Variants in PIPOX observed in about 807,000 individuals in gnomAD.
The protein encoded by PIPOX is peroxisomal sarcosine oxidase.
PIPOX carries 45 observed loss-of-function variants against 47.9 expected under a neutral mutation model. The observed-to-expected ratio is 0.94, with a 90% CI of 0.74 to 1.20. The LOEUF is 1.20. Ranked by LOEUF, PIPOX falls within the 50% of genes most tolerant of loss-of-function variation. The pLI, the probability that PIPOX is intolerant of heterozygous loss-of-function variation, is 0.00. For synonymous variants in PIPOX, 165 were observed against 191.3 expected (o/e 0.86, Z 1.13); for missense variants, 458 against 498.4 (o/e 0.92, Z 0.77).
intron 1 of PIPOX, among the ~76,000 whole-genome samples, chr17:29,043,644 C>T (rs1303436458): frequency 2.0e-5 from 3 of 152,100 alleles, no homozygotes; most frequent in Non-Finnish European, 4.4e-5. Flanking sequence ...CTTCTGTGCC[C>T]AAATGGTTGA....
intron 2 of PIPOX, among the ~76,000 whole-genome samples, chr17:29,050,753 C>T (rs975352985): frequency 1.3e-5 from 2 of 151,860 alleles, no homozygotes; most frequent in Non-Finnish European, 2.9e-5. Context: ...AGGAGGAGCT[C>T]GCTTGCGGCT....
At chr17:29,051,338 G>T (rs1006496914) in intron 2 of PIPOX, among the ~76,000 whole-genome samples, 8 of 152,186 alleles carry the variant, frequency 5.3e-5, no homozygotes, top group Admixed American at 4.6e-4. Flanking sequence ...GGCACGCTGC[G>T]CGGCTCTGTG....
At chr17:29,045,536 G>A (rs1041984691) in intron 2 of PIPOX, among the ~76,000 whole-genome samples, 4 of 147,574 alleles carry the variant, frequency 2.7e-5, no homozygotes, top group Non-Finnish European at 5.9e-5. Context: ...TCAGCCTCCC[G>A]GGCAGCTGGG....
chr17:29,056,109 G>A (rs1023499245), intron 7 of PIPOX, 66 bp from the exon 8 acceptor site: 30 of 1,593,748 alleles, frequency 1.9e-5, no homozygotes, highest in Non-Finnish European at 2.5e-5. Context: ...TGGGTAAGTA[G>A]GGGATGTCCA....
intron 2 of PIPOX, among the ~76,000 whole-genome samples, chr17:29,048,763 T>TC (rs1238586307): frequency 1.1e-4 from 16 of 152,324 alleles, no homozygotes; most frequent in African/African-American, 3.4e-4. Context: ...CCACATCCCC[T>TC]CCCTGGAGCA....
intron 4 of PIPOX, among the ~76,000 whole-genome samples, chr17:29,054,088 C>T (rs1485690155): frequency 2.6e-5 from 4 of 151,892 alleles, no homozygotes; most frequent in African/African-American, 9.7e-5. Flanking sequence ...AGGCTGAGCC[C>T]AGGAGGCTGG....
chr17:29,045,035 C>T lies in PIPOX; in HGVS notation c.263+28C>T, dbSNP rs200437177. The T allele has an allele frequency of 5.4e-5, 84 of 1,569,302 alleles. No homozygotes were observed. The African/African-American group carries it at 5.6e-4, about 10-fold the overall frequency. ...GGGCTGTGGGAGGAATTCCTTGAAT[C>T]GTGGGGCTCTGCACCTGCAGGTACT... On this transcript the variant is annotated intron_variant, in intron 2 of 7. Transcript: ENST00000323372.
At chr17:29,046,910 G>T (rs1292770111) in intron 2 of PIPOX, 1 of 235,796 alleles carries the variant, frequency 4.2e-6, no homozygotes, top group Non-Finnish European at 6.9e-6. Flanking sequence ...TGGTGCTGGG[G>T]TGAGGATAAG....
chr17:29,048,252 T>G lies in PIPOX; in HGVS notation c.263+3245T>G, dbSNP rs570656272. On this transcript the variant is annotated intron_variant, in intron 2 of 7. Transcript: ENST00000323372. The stretch of plus-strand genomic sequence containing the variant: ...AAATGATTCATCATCTGTGTGGTTC[T>G]TACTTTTCCCCAGGTTTTTCTAGAA... 2.6e-5 allele frequency among the ~76,000 whole-genome samples: 4 copies of G among 152,360 alleles called. No homozygotes were observed. In the East Asian group the frequency reaches 7.7e-4, roughly 29 times the overall value.
intron 2 of PIPOX, among the ~76,000 whole-genome samples, chr17:29,047,719 A>C (rs1037730501): frequency 2.6e-5 from 4 of 152,166 alleles, no homozygotes; most frequent in African/African-American, 9.7e-5. Context: ...AAAAATTTAA[A>C]AACCATCTTG....
In PIPOX at chr17:29,055,858, GAC is replaced by G. The variant is rs1466971173; in HGVS notation, c.1014_1015del (p.Asp338GlufsTer25). 1 of 1,613,882 alleles carries G rather than the reference GAC, an allele frequency of 6.2e-7. No individual in the cohort carries two copies. The highest frequency in any genetic ancestry group is 1.7e-5 in the Admixed American group (1 of 59,996). The stretch of plus-strand genomic sequence containing the variant: ...CATTCTCGATCGCCACCCAAAGTAT[GAC>G]AACATTGTCATTGGTGCTGGATTCT... ...QFILDRHPKY[D>X]NIVIGAGFSG... On this transcript the variant is annotated frameshift_variant, in exon 7 of 8. Transcript: ENST00000323372. LOFTEE classifies it high-confidence loss of function.
chr17:29,056,179 C>T lies in PIPOX; in HGVS notation c.1047C>T (p.His349=), dbSNP rs1432704846. The T allele has an allele frequency of 1.6e-5, 26 of 1,613,988 alleles. No homozygotes were observed. The highest frequency in any genetic ancestry group is 2.2e-5 in the East Asian group (1 of 44,900). The change falls in exon 8 of 8, where the codon CAC becomes CAT. Residue 349 remains histidine (H), a synonymous_variant. Coordinates refer to ENST00000323372, the MANE Select transcript of PIPOX (RefSeq NM_016518.3). The part of the protein sequence containing the change: ...NIVIGAGFSG[H]GFKLAPVVGK... ...AGTCTGCTCTTCCCTTCCTAGGGCA[C>T]GGGTTCAAGCTGGCCCCTGTGGTGG...
At chr17:29,047,738 A>T (rs371948623) in intron 2 of PIPOX, among the ~76,000 whole-genome samples, 1 of 152,296 alleles carries the variant, frequency 6.6e-6, no homozygotes, top group East Asian at 1.9e-4. Flanking sequence ...TGGCTCATGG[A>T]CCAGACCAAA....
chr17:29,054,796 C>A (rs1167875780), intron 5 of PIPOX, 105 bp downstream of exon 5: 2 of 1,314,022 alleles, frequency 1.5e-6, no homozygotes, highest in East Asian at 2.5e-5. Flanking sequence ...GGGCCAGCAG[C>A]AGGAGCCTGC....
intron 4 of PIPOX, 71 bp from the exon 5 acceptor site, chr17:29,054,474 G>C: frequency 6.3e-7 from 1 of 1,577,748 alleles, no homozygotes; most frequent in African/African-American, 1.4e-5. Flanking sequence ...CAGGGGCCCA[G>C]AGAAACTGCT....
chr17:29,045,562 C>A (rs1044024160), intron 2 of PIPOX, among the ~76,000 whole-genome samples: 1 of 151,672 alleles, frequency 6.6e-6, no homozygotes, highest in Non-Finnish European at 1.5e-5. Flanking sequence ...AGGTGCGCAC[C>A]ACCACACCCA....
chr17:29,047,963 A>T (rs1214734951), intron 2 of PIPOX, among the ~76,000 whole-genome samples: 1 of 152,230 alleles, frequency 6.6e-6, no homozygotes, highest in Non-Finnish European at 1.5e-5. Flanking sequence ...CCCAGTTACG[A>T]AAAATGAAAA....
chr17:29,056,160 C>A lies in PIPOX; in HGVS notation c.1043-15C>A. 1 of 1,613,964 alleles carries A rather than the reference C, an allele frequency of 6.2e-7. No homozygotes were observed. The highest frequency in any genetic ancestry group is 8.5e-7 in the Non-Finnish European group (1 of 1,179,910). ...GTCTGTGAAGCTGCCTGAGAGTCTG[C>A]TCTTCCCTTCCTAGGGCACGGGTTC... is the stretch of plus-strand genomic sequence containing the variant. On this transcript the variant is annotated splice_polypyrimidine_tract_variant and intron_variant, in intron 7 of 7. Coordinates refer to ENST00000323372, the MANE Select transcript of PIPOX (RefSeq NM_016518.3).
rs561552603 is a variant in PIPOX at position 29,056,523 on chromosome 17, C to A, written c.*218C>A. 8.5e-6 allele frequency: 5 copies of A among 588,318 alleles called. No homozygotes were observed. In the Admixed American group the frequency reaches 9.3e-5, roughly 11 times the overall value. 36.4% of individuals were successfully genotyped at this position (588,318 alleles called of 1,614,324 possible). ...CCCCGTAAACACCAGACGATTGAGT[C>A]TACCTTCTTTTCTTGGCCACCTCCC... On this transcript the variant is annotated 3_prime_UTR_variant, in exon 8 of 8. Coordinates refer to ENST00000323372, the MANE Select transcript of PIPOX (RefSeq NM_016518.3).
Sources: allele counts gnomAD v4.1 joint callset (sites outside exome capture counted in the v4.1 genomes callset), GRCh38; gene constraint gnomAD v4.1.1; transcripts MANE v1.5; gene names NCBI Gene and HGNC (gene_info 2026-07-23, HGNC 2026-07-21).